The following DMD variants were observed in gnomAD, a reference collection of about 807,000 sequenced individuals.
The protein encoded by DMD is dystrophin.
DMD carries 63 observed loss-of-function variants against 330.1 expected under a neutral mutation model. That is an observed-to-expected ratio of 0.19 (90% CI 0.16 to 0.24). DMD has a LOEUF of 0.24. Among genes scored for constraint, DMD ranks in the 10% least tolerant of loss-of-function variants. The pLI, the probability that DMD is intolerant of heterozygous loss-of-function variation, is 1.00. For synonymous variants in DMD, 1,223 were observed against 959.8 expected (o/e 1.27, Z -5.07); for missense variants, 3,344 against 2,684.1 (o/e 1.25, Z -5.43).
At chrX:33,147,806 A>G (rs918966714) in intron 1 of DMD, among the ~76,000 whole-genome samples, 4 of 111,786 alleles carry the variant, frequency 3.6e-5, no homozygotes, top group African/African-American at 9.7e-5. Context: ...AACATCAACC[A>G]GTAATTTCTG....
At chrX:31,387,805 C>T (rs2060515001) in intron 60 of DMD, among the ~76,000 whole-genome samples, 1 of 110,987 alleles carries the variant, frequency 9.0e-6, no homozygotes, top group African/African-American at 3.3e-5. Flanking sequence ...GTCTCCCTCC[C>T]CACTTCTTTC....
chrX:33,096,527 CAG>C (rs1201376024), intron 1 of DMD, among the ~76,000 whole-genome samples: 4 of 94,622 alleles, frequency 4.2e-5, no homozygotes, highest in Non-Finnish European at 6.3e-5. Flanking sequence ...TTTTTTGAGA[CAG>C]AGTTTTGCTC....
At chrX:33,283,307 C>T (rs1056425404) in intron 1 of DMD, among the ~76,000 whole-genome samples, 1 of 110,404 alleles carries the variant, frequency 9.1e-6, no homozygotes, top group African/African-American at 3.3e-5. Context: ...GGGAGGCCAA[C>T]GTGGGTGGAT....
intron 7 of DMD, among the ~76,000 whole-genome samples, chrX:32,770,627 A>G (rs1228376339): frequency 8.9e-6 from 1 of 111,876 alleles, no homozygotes; most frequent in Non-Finnish European, 1.9e-5. Context: ...TACCAAATGT[A>G]CATTTGGAGA....
intron 1 of DMD, among the ~76,000 whole-genome samples, chrX:33,262,399 A>G (rs1319356263): frequency 9.0e-6 from 1 of 111,549 alleles, no homozygotes; most frequent in Non-Finnish European, 1.9e-5. Context: ...CAGAGAAGCC[A>G]GATTTAAAGA....
At chrX:31,593,006 A>G (rs2076948806) in intron 55 of DMD, among the ~76,000 whole-genome samples, 1 of 111,178 alleles carries the variant, frequency 9.0e-6, no homozygotes, top group African/African-American at 3.3e-5. Context: ...CCATTATAAT[A>G]GTCCTAGATT....
chrX:32,564,049 A>T (rs1454597325), intron 16 of DMD, among the ~76,000 whole-genome samples: 1 of 111,199 alleles, frequency 9.0e-6, no homozygotes, highest in African/African-American at 3.3e-5. Context: ...GTGTATGTTG[A>T]TCCCCTCTAT....
chrX:31,228,844 A>G (rs780364269), intron 63 of DMD, among the ~76,000 whole-genome samples: 4 of 111,883 alleles, frequency 3.6e-5, no homozygotes, highest in African/African-American at 9.7e-5. Flanking sequence ...AAAATGCTGA[A>G]CTGCACATTT....
At chrX:32,924,790 G>T (rs1053371271) in intron 2 of DMD, among the ~76,000 whole-genome samples, 1 of 111,357 alleles carries the variant, frequency 9.0e-6, no homozygotes, top group African/African-American at 3.3e-5. Context: ...TTGGAAATTG[G>T]CTGGGACATG....
In DMD at chrX:32,718,332, C is replaced by T. The variant is rs182193303; in HGVS notation, c.650-19039G>A. 2.7e-4 allele frequency among the ~76,000 whole-genome samples: 30 copies of T among 110,921 alleles called. No individual in the cohort carries two copies. The East Asian group carries it at 4.0e-3, about 15-fold the overall frequency. On this transcript the variant is annotated intron_variant, in intron 7 of 78. Transcript: ENST00000357033. Reference sequence around the variant, plus strand: ...CTCATGATATCTGGTTGTGTGAAAGCGTGTAGCATCTCTGCCTGCTCTCTC... The same window carrying T: ...CTCATGATATCTGGTTGTGTGAAAGTGTGTAGCATCTCTGCCTGCTCTCTC...
chrX:33,248,311 G>T lies in DMD; in HGVS notation c.7+90948C>A, dbSNP rs1162335105. 2.7e-5 allele frequency among the ~76,000 whole-genome samples: 3 copies of T among 112,109 alleles called. No individual in the cohort carries two copies. The East Asian group carries it at 8.4e-4, about 31-fold the overall frequency. ...CCACCTCAGCCTCCCAAAGTGCTGGGATTACAGGCGTGAGCCACTGCGCCT... is the reference window on the plus strand; with the variant it reads ...CCACCTCAGCCTCCCAAAGTGCTGGTATTACAGGCGTGAGCCACTGCGCCT... On this transcript the variant is annotated intron_variant, in intron 1 of 17. Transcript: ENST00000288447.
At chrX:33,071,738 T>A (rs2094760946) in intron 1 of DMD, among the ~76,000 whole-genome samples, 1 of 111,815 alleles carries the variant, frequency 8.9e-6, no homozygotes, top group Admixed American at 9.6e-5. Context: ...CGCCATTAAA[T>A]GAATTTTAAA....
Position 31,929,695 on chromosome X carries a change from A to G in DMD, c.6813T>C (p.Asn2271=). 8.3e-7 allele frequency: 1 copy of G among 1,211,606 alleles called. No individual in the cohort carries two copies. ...PLRQGILKQL[N]ETGGPVLVSA... ...TTACAAGCACGGGTCCTCCAGTTTC[A>G]TTTAATTGTTTGAGAATTCCCTGGC... The change falls in exon 47 of 79, where the codon AAT becomes AAC. Residue 2271 remains asparagine, a synonymous_variant. Transcript: ENST00000357033.
intron 29 of DMD, among the ~76,000 whole-genome samples, chrX:32,430,349 C>G (rs1245507635): frequency 9.0e-6 from 1 of 111,403 alleles, no homozygotes; most frequent in East Asian, 2.8e-4. Context: ...GTCACTGGCT[C>G]TTGGAAACTT....
intron 2 of DMD, among the ~76,000 whole-genome samples, chrX:32,996,339 G>A (rs2093118987): frequency 9.1e-6 from 1 of 110,478 alleles, no homozygotes; most frequent in African/African-American, 3.3e-5. Flanking sequence ...ATATTTATAA[G>A]TCCTATTACT....
chrX:32,155,954 G>T (rs1211486836), intron 44 of DMD, among the ~76,000 whole-genome samples: 1 of 95,549 alleles, frequency 1.0e-5, no homozygotes, highest in Non-Finnish European at 2.1e-5. Flanking sequence ...GAGTGTGTGT[G>T]TGTATCCTTT....
intron 2 of DMD, among the ~76,000 whole-genome samples, chrX:32,945,880 C>G (rs2090771098): frequency 9.0e-6 from 1 of 111,247 alleles, no homozygotes; most frequent in African/African-American, 3.3e-5. Flanking sequence ...GGCATGATAA[C>G]TTCTTCTCTT....
Position 31,586,118 on chromosome X carries a change from T to C in DMD, c.8217+41555A>G, listed in dbSNP as rs1186652097. Among the ~76,000 whole-genome samples, 61 of 111,848 alleles carry C rather than the reference T, an allele frequency of 5.5e-4. No homozygotes were observed. The Admixed American group carries it at 5.8e-3, about 11-fold the overall frequency. On this transcript the variant is annotated intron_variant, in intron 55 of 78. Coordinates refer to ENST00000357033, the MANE Select transcript of DMD (RefSeq NM_004006.3). ...CAAGTCCTCTAGTAGCTTTGATGCA[T>C]GTTCAAGTCGGCCCTAAAGTGTTGG... is the stretch of plus-strand genomic sequence containing the variant.
At chrX:31,584,448 A>G (rs2076490379) in intron 55 of DMD, among the ~76,000 whole-genome samples, 1 of 111,623 alleles carries the variant, frequency 9.0e-6, no homozygotes, top group Non-Finnish European at 1.9e-5. Context: ...TTGACCCAGC[A>G]ATCCCATTAT....
Sources: allele counts gnomAD v4.1 joint callset (sites outside exome capture counted in the v4.1 genomes callset), GRCh38; gene constraint gnomAD v4.1.1; transcripts MANE v1.5; gene names NCBI Gene and HGNC (gene_info 2026-07-23, HGNC 2026-07-21).